PLPPR2: variants seen among roughly 807,000 people sequenced by gnomAD.
The protein encoded by PLPPR2 is phospholipid phosphatase-related protein type 2.
A neutral mutation model predicts 40.3 loss-of-function variants in PLPPR2; 11 were observed. The ratio of observed to expected loss-of-function variants is 0.27; its 90% CI spans 0.17 to 0.45. The LOEUF (loss-of-function observed/expected upper bound fraction) is 0.45. Ranked by LOEUF, PLPPR2 falls within the 20% of genes least tolerant of loss-of-function variation. The pLI is 1.00. For synonymous variants in PLPPR2, 260 were observed against 290.8 expected (o/e 0.89, Z 1.08); for missense variants, 497 against 640.7 (o/e 0.78, Z 2.42).
Position 11,360,000 on chromosome 19 carries a change from A to T in PLPPR2, c.391+44A>T. The T allele has an allele frequency of 1.3e-6, 2 of 1,550,652 alleles. No homozygotes were observed. The highest frequency in any genetic ancestry group is 1.7e-6 in the Non-Finnish European group (2 of 1,148,786). ...GGTCAGCCCCATGGTAATGGTGGGG[A>T]GGTGGGTATAGAAGAAAAGAGTCAT... On this transcript the variant is annotated intron_variant, in intron 5 of 9. Transcript: ENST00000688289. This position sits in a 1 kb window ranked among gnomAD's most constrained non-coding sequence, Gnocchi z 5.6.
In PLPPR2 at chr19:11,364,845, G is replaced by C; in HGVS notation, c.*155G>C. ...CTAGAAGGACATTTAGGAGACATCTGCCTCTCTGGCCCTCTGAGATATCCC... is the reference window on the plus strand; with the variant it reads ...CTAGAAGGACATTTAGGAGACATCTCCCTCTCTGGCCCTCTGAGATATCCC... On this transcript the variant is annotated 3_prime_UTR_variant, in exon 10 of 10. Transcript: ENST00000688289. This position sits in a 1 kb window ranked among gnomAD's most constrained non-coding sequence, Gnocchi z 5.8. The C allele has an allele frequency of 1.2e-6, 1 of 816,014 alleles. No homozygotes were observed. The highest frequency in any genetic ancestry group is 1.9e-6 in the Non-Finnish European group (1 of 518,960). 50.5% of individuals were successfully genotyped at this position (816,014 alleles called of 1,614,324 possible).
rs1389796514 is a variant in PLPPR2 at position 11,357,709 on chromosome 19, C to T, written c.36C>T (p.Phe12=). Residue 12 remains phenylalanine (F), a synonymous_variant, in exon 3 of 10, where the codon TTC becomes TTT. Transcript: ENST00000688289. The stretch of plus-strand genomic sequence containing the variant: ...GGAGACCGCATCTGAAGAGGAGTTT[C>T]TCCATCATCCCCTGCTTTGTCTTCG... ...AGGRPHLKRS[F]SIIPCFVFVE... is the part of the protein sequence containing the mutation. 2 of 1,607,466 alleles carry T rather than the reference C, an allele frequency of 1.2e-6. No individual in the cohort carries two copies. The highest frequency in any genetic ancestry group is 1.7e-6 in the Non-Finnish European group (2 of 1,176,570).
Position 11,363,827 on chromosome 19 carries a change from G to A in PLPPR2, c.955G>A (p.Val319Met). 1 of 1,613,842 alleles carries A rather than the reference G, an allele frequency of 6.2e-7. No individual in the cohort carries two copies. The highest frequency in any genetic ancestry group is 8.5e-7 in the Non-Finnish European group (1 of 1,179,834). The change falls in exon 8 of 10, where the codon GTG becomes ATG. Residue 319 changes from valine to methionine, a missense_variant. Transcript: ENST00000688289. The surrounding 1 kb of genome is among the most constrained non-coding windows in gnomAD (Gnocchi z 4.8). ...GGATAGCCCCCTCGAAAAGTTAAGT[G>A]TGGCGCAGGTAAGGGGGGCCGGGGG... The part of the protein sequence containing the change: ...TMDSPLEKLS[V>M]AQEPEVCRPH...
At position 11,361,596 on chromosome 19, in the gene PLPPR2, CT is replaced by C. The variant is rs1430945750; in HGVS notation, c.663+109del. On this transcript the variant is annotated intron_variant, in intron 6 of 9. Coordinates refer to ENST00000688289, the MANE Select transcript of PLPPR2 (RefSeq NM_001393892.1). The surrounding 1 kb of genome is among the most constrained non-coding windows in gnomAD (Gnocchi z 6.3). ...CCTCTGCTCTTCCACGCCCCGGGTG[CT>C]GTTGGAAGCTCTCGCTCCACGCCCC... The C allele has an allele frequency of 7.0e-7, 1 of 1,432,470 alleles. No individual in the cohort carries two copies. The highest frequency in any genetic ancestry group is 1.4e-5 in the African/African-American group (1 of 69,036). 88.7% of individuals were successfully genotyped at this position (1,432,470 alleles called of 1,614,324 possible).
In PLPPR2 at chr19:11,363,938, T is replaced by TG. The variant is rs1968120056; in HGVS notation, c.963+107dup. 9 of 1,437,732 alleles carry TG rather than the reference T, an allele frequency of 6.3e-6. No individual in the cohort carries two copies. The highest frequency in any genetic ancestry group is 8.4e-6 in the Non-Finnish European group (9 of 1,067,766). 89.1% of individuals were successfully genotyped at this position (1,437,732 alleles called of 1,614,324 possible). ...GCAAGAGGTGGGGGTCTCAGAACCA[T>TG]GGGGAAGTGGAGGGATCACCCATCT... On this transcript the variant is annotated intron_variant, in intron 8 of 9. Coordinates refer to ENST00000688289, the MANE Select transcript of PLPPR2 (RefSeq NM_001393892.1). The surrounding 1 kb of genome is among the most constrained non-coding windows in gnomAD (Gnocchi z 4.8).
At position 11,364,710 on chromosome 19, in the gene PLPPR2, A is replaced by C. The variant is rs2144682341; in HGVS notation, c.*20A>C. ...CTGTGAGGCCCGACCACCCACCCAG[A>C]ATCTGCCCAGTCCCCACTTCTTCCC... On this transcript the variant is annotated 3_prime_UTR_variant, in exon 10 of 10. Transcript: ENST00000688289. The surrounding 1 kb of genome is among the most constrained non-coding windows in gnomAD (Gnocchi z 5.8). The C allele has an allele frequency of 2.6e-6, 4 of 1,536,740 alleles. No individual in the cohort carries two copies. The highest frequency in any genetic ancestry group is 3.5e-6 in the Non-Finnish European group (4 of 1,146,744).
At position 11,364,135 on chromosome 19, in the gene PLPPR2, C is replaced by G; in HGVS notation, c.964-26C>G. 6.2e-7 allele frequency: 1 copy of G among 1,602,256 alleles called. No homozygotes were observed. Among genetic ancestry groups the G allele is most frequent in the Non-Finnish European group, 8.5e-7 (1 of 1,173,250 alleles). ...CGGTAGGGCCCAGGGGGCCACTAGCCCCTTCCGTCTGTCTCTTTGTCTCAG... is the reference window on the plus strand; with the variant it reads ...CGGTAGGGCCCAGGGGGCCACTAGCGCCTTCCGTCTGTCTCTTTGTCTCAG... On this transcript the variant is annotated intron_variant, in intron 8 of 9. Coordinates refer to ENST00000688289, the MANE Select transcript of PLPPR2 (RefSeq NM_001393892.1). The surrounding 1 kb of genome is among the most constrained non-coding windows in gnomAD (Gnocchi z 5.8).
Position 11,364,788 on chromosome 19 carries a change from C to CA in PLPPR2, c.*100dup. 7.4e-7 allele frequency: 1 copy of CA among 1,356,692 alleles called. No homozygotes were observed. Among genetic ancestry groups the CA allele is most frequent in the African/African-American group, 1.4e-5 (1 of 69,824 alleles). The allele number at this position is 1,356,692 out of a possible 1,614,324, so 84.0% of individuals were successfully genotyped here. A position where few individuals can be genotyped will look rare whatever the true frequency, so the allele number is the denominator to read the frequency against. On this transcript the variant is annotated 3_prime_UTR_variant, in exon 10 of 10. Transcript: ENST00000688289. The surrounding 1 kb of genome is among the most constrained non-coding windows in gnomAD (Gnocchi z 5.8). ...GTGAGTGCCAAAGTCCCCTGCCCCC[C>CA]AAGCCAGCCAGACCCAGACATTAGA...
At position 11,362,106 on chromosome 19, in the gene PLPPR2, C is replaced by CCTCCTACAGCTCCTACAG. The variant is rs577413726; in HGVS notation, c.664-393_664-376dup. ...GGTCCCCTAGGGGTCAGGGGCTCCA[C>CCTCCTACAGCTCCTACAG]CTCCTACAGCTCCTACAGCTCCTAC... On this transcript the variant is annotated intron_variant, in intron 6 of 9. Coordinates refer to ENST00000688289, the MANE Select transcript of PLPPR2 (RefSeq NM_001393892.1). The surrounding 1 kb of genome is among the most constrained non-coding windows in gnomAD (Gnocchi z 5.3). Among the ~76,000 whole-genome samples, 1 of 152,138 alleles carries CCTCCTACAGCTCCTACAG rather than the reference C, an allele frequency of 6.6e-6. No individual in the cohort carries two copies. Among genetic ancestry groups the CCTCCTACAGCTCCTACAG allele is most frequent in the Admixed American group, 6.5e-5 (1 of 15,286 alleles).
rs768287239 is a variant in PLPPR2, at chr19:11,363,758, C to A, written c.886C>A (p.Arg296=). The A allele has an allele frequency of 1.9e-6, 3 of 1,614,062 alleles. No individual in the cohort carries two copies. Among genetic ancestry groups the A allele is most frequent in the African/African-American group, 2.7e-5 (2 of 74,946 alleles). ...CTTTCAGAGCCGGCCACCCTCTGGC[C>A]GAAGGCTCTCTCCCTGGGAGGACCT... The part of the protein sequence containing the change: ...HNFQSRPPSG[R]RLSPWEDLGQ... Residue 296 remains arginine (R), a synonymous_variant, in exon 8 of 10, where the codon CGA becomes AGA. Coordinates refer to ENST00000688289, the MANE Select transcript of PLPPR2 (RefSeq NM_001393892.1). The surrounding 1 kb of genome is among the most constrained non-coding windows in gnomAD (Gnocchi z 4.8).
chr19:11,357,870 G>T (rs1283595852), intron 3 of PLPPR2, 131 bp downstream of exon 3: 6 of 682,440 alleles, frequency 8.8e-6, no homozygotes, highest in Non-Finnish European at 1.4e-5. Flanking sequence ...TTGAGAAATG[G>T]TTATGAGCTT....
In PLPPR2 at chr19:11,362,455, C is replaced by T. The variant is rs549272176; in HGVS notation, c.664-58C>T. On this transcript the variant is annotated intron_variant, in intron 6 of 9. Coordinates refer to ENST00000688289, the MANE Select transcript of PLPPR2 (RefSeq NM_001393892.1). The surrounding 1 kb of genome is among the most constrained non-coding windows in gnomAD (Gnocchi z 5.3). The stretch of plus-strand genomic sequence containing the variant: ...TGCGCTCTAGCCCAGAAAGGAGCGT[C>T]CACTTGGGTTCGGCGACTTGCCTCC... 114 of 1,595,230 alleles carry T rather than the reference C, an allele frequency of 7.1e-5. No individual in the cohort carries two copies. The South Asian group carries it at 1.1e-3, about 15-fold the overall frequency.
chr19:11,359,222 C>T lies in PLPPR2; in HGVS notation c.67-310C>T, dbSNP rs535701116. On this transcript the variant is annotated intron_variant, in intron 3 of 9. Coordinates refer to ENST00000688289, the MANE Select transcript of PLPPR2 (RefSeq NM_001393892.1). This position sits in a 1 kb window ranked among gnomAD's most constrained non-coding sequence, Gnocchi z 5.6. ...AGATAAGGTCATGCGATCTCAAACT[C>T]CTGAGCTCAAGGGATCCTCTTGCCT... Among the ~76,000 whole-genome samples, 83 of 152,188 alleles carry T rather than the reference C, an allele frequency of 5.5e-4. No homozygotes were observed. The highest frequency in any genetic ancestry group is 1.6e-3 in the Admixed American group (24 of 15,260).
In PLPPR2 at chr19:11,364,499, C is replaced by A. The variant is rs1291052766; in HGVS notation, c.1168C>A (p.Pro390Thr). Reference sequence around the variant, plus strand: ...GCCCCTACCCCTGCCAGCGCCCACCCCCAGCCAGGGCCCCTCGCCTTCCTC... The same window carrying A: ...GCCCCTACCCCTGCCAGCGCCCACCACCAGCCAGGGCCCCTCGCCTTCCTC... ...PLPLPLPAPT[P>T]SQGPSPSSPG... Residue 390 changes from proline to threonine, a missense_variant, in exon 10 of 10, where the codon CCC becomes ACC. Pro to Thr is a conservative substitution (Grantham distance 38). Coordinates refer to ENST00000688289, the MANE Select transcript of PLPPR2 (RefSeq NM_001393892.1). The surrounding 1 kb of genome is among the most constrained non-coding windows in gnomAD (Gnocchi z 5.8). 1 of 1,522,720 alleles carries A rather than the reference C, an allele frequency of 6.6e-7. No homozygotes were observed. The allele number at this position is 1,522,720 out of a possible 1,614,324, so 94.3% of individuals were successfully genotyped here.
At position 11,362,311 on chromosome 19, in the gene PLPPR2, A is replaced by C; in HGVS notation, c.664-202A>C. 6 of 580,178 alleles carry C rather than the reference A, an allele frequency of 1.0e-5. No individual in the cohort carries two copies. Among genetic ancestry groups the C allele is most frequent in the Non-Finnish European group, 1.5e-5 (5 of 328,362 alleles). The allele number at this position is 580,178 out of a possible 1,614,324, so 35.9% of individuals were successfully genotyped here. ...GGTGCCCACGAGACTCCAAGACCTC[A>C]ATCCCTGACCCCCCCCCCTTTGCCT... On this transcript the variant is annotated intron_variant, in intron 6 of 9. Coordinates refer to ENST00000688289, the MANE Select transcript of PLPPR2 (RefSeq NM_001393892.1). The surrounding 1 kb of genome is among the most constrained non-coding windows in gnomAD (Gnocchi z 5.3).
chr19:11,362,559 A>G lies in PLPPR2; in HGVS notation c.710A>G (p.Lys237Arg). Residue 237 changes from lysine (K) to arginine (R), a missense_variant, in exon 7 of 10, where the codon AAA becomes AGA. Lys to Arg is a conservative substitution (Grantham distance 26). Transcript: ENST00000688289. The surrounding 1 kb of genome is among the most constrained non-coding windows in gnomAD (Gnocchi z 5.3). ...CGCGTGAAGGGCTCCCGCCTGGTCA[A>G]ACCCTCGCTCTGCCTGGCCTTGCTG... ...VFRVKGSRLV[K>R]PSLCLALLCP... The G allele has an allele frequency of 6.2e-7, 1 of 1,612,426 alleles. No individual in the cohort carries two copies. The highest frequency in any genetic ancestry group is 1.3e-5 in the African/African-American group (1 of 75,050).
rs1256325684 is a variant in PLPPR2, at chr19:11,359,814, C to T, written c.256-7C>T. On this transcript the variant is annotated splice_region_variant and splice_polypyrimidine_tract_variant and intron_variant, in intron 4 of 9. Transcript: ENST00000688289. This position sits in a 1 kb window ranked among gnomAD's most constrained non-coding sequence, Gnocchi z 5.6. The stretch of plus-strand genomic sequence containing the variant: ...GCCAGAAGACTCCATCTTGGTCTTG[C>T]CCACAGATCCTGCTGGGAGAGCTGG... The T allele has an allele frequency of 6.2e-7, 1 of 1,607,708 alleles. No homozygotes were observed. Among genetic ancestry groups the T allele is most frequent in the Non-Finnish European group, 8.5e-7 (1 of 1,175,704 alleles).
chr19:11,364,583 A>C lies in PLPPR2; in HGVS notation c.1252A>C (p.Thr418Pro). 2 of 1,536,904 alleles carry C rather than the reference A, an allele frequency of 1.3e-6. No individual in the cohort carries two copies. The highest frequency in any genetic ancestry group is 4.9e-5 in the East Asian group (2 of 40,868). Residue 418 changes from threonine (T) to proline (P), a missense_variant, in exon 10 of 10, where the codon ACG becomes CCG. Thr to Pro is a conservative substitution (Grantham distance 38). Transcript: ENST00000688289. This position sits in a 1 kb window ranked among gnomAD's most constrained non-coding sequence, Gnocchi z 5.8. ...ACGTGGCCGGAAGCTGCTGCTGCCC[A>C]CGCCCCTGCTGCGGGACCTGTACAC... ...GGRGRKLLLP[T>P]PLLRDLYTLS...
Position 11,364,339 on chromosome 19 carries a change from AC to A in PLPPR2, c.1016-6del. ...CTGATCCCCTGATATCTGGCTTCTG[AC>A]CACCAGAGTCGCAGAACTGCGCCCG... On this transcript the variant is annotated splice_region_variant and splice_polypyrimidine_tract_variant and intron_variant, in intron 9 of 9. Transcript: ENST00000688289. This position sits in a 1 kb window ranked among gnomAD's most constrained non-coding sequence, Gnocchi z 5.8. 1 of 1,517,798 alleles carries A rather than the reference AC, an allele frequency of 6.6e-7. No homozygotes were observed. The highest frequency in any genetic ancestry group is 8.8e-7 in the Non-Finnish European group (1 of 1,133,584). The allele number at this position is 1,517,798 out of a possible 1,614,324, so 94.0% of individuals were successfully genotyped here. A position where few individuals can be genotyped will look rare whatever the true frequency, so the allele number is the denominator to read the frequency against.
Sources: gnomAD v4.1 joint callset for allele counts (sites outside exome capture counted in the v4.1 genomes callset) on GRCh38, gnomAD v4.1.1 for gene constraint, Gnocchi (gnomAD v3.1) non-coding constraint, MANE v1.5 for transcripts, NCBI Gene and HGNC (gene_info 2026-07-23, HGNC 2026-07-21) for gene names.